The following EPHA3 variants were observed in gnomAD, a reference collection of about 807,000 sequenced individuals.
EPHA3 encodes ephrin type-A receptor 3.
EPHA3 carries 42 observed loss-of-function variants against 107.1 expected under a neutral mutation model. The observed-to-expected ratio is 0.39, with a 90% CI of 0.31 to 0.51. The LOEUF is 0.51. Ranked by LOEUF, EPHA3 falls within the 20% of genes least tolerant of loss-of-function variation. The pLI is 0.78. For missense variants in EPHA3, 1,183 were observed against 1,211.2 expected (o/e 0.98, Z 0.35); for synonymous variants, 461 against 424.8 (o/e 1.09, Z -1.05).
At chr3:89,457,454 C>T (rs376694881) in intron 15 of EPHA3, among the ~76,000 whole-genome samples, 3 of 152,082 alleles carry the variant, frequency 2.0e-5, no homozygotes, top group Admixed American at 6.5e-5. Context: ...TGTTGTGAAC[C>T]GCACACACGA....
intron 3 of EPHA3, among the ~76,000 whole-genome samples, chr3:89,232,744 G>A (rs965253122): frequency 7.9e-5 from 12 of 152,078 alleles, no homozygotes; most frequent in South Asian, 6.2e-4. Flanking sequence ...TATTCAAATA[G>A]CCAAGAAGAA....
intron 2 of EPHA3, among the ~76,000 whole-genome samples, chr3:89,175,110 C>T (rs9834433): frequency 0.17 from 25,248 of 149,996 alleles, 2,658 homozygotes; most frequent in Middle Eastern, 0.28. Context: ...AAACTTTCAC[C>T]TGAGGAAATA....
chr3:89,123,168 A>G (rs1259468906), intron 1 of EPHA3, among the ~76,000 whole-genome samples: 2 of 151,750 alleles, frequency 1.3e-5, no homozygotes, highest in Non-Finnish European at 2.9e-5. Flanking sequence ...TGTTTTTGAG[A>G]TAGTTTCGCT....
chr3:89,124,051 C>T (rs1704032220), intron 1 of EPHA3, among the ~76,000 whole-genome samples: 1 of 152,072 alleles, frequency 6.6e-6, no homozygotes, highest in Non-Finnish European at 1.5e-5. Flanking sequence ...ATTGCGAACT[C>T]GTATTGTCCA....
At chr3:89,374,441 C>G (rs1239492462) in intron 5 of EPHA3, among the ~76,000 whole-genome samples, 1 of 151,904 alleles carries the variant, frequency 6.6e-6, no homozygotes, top group East Asian at 1.9e-4. Flanking sequence ...CTCCACAGTC[C>G]TCCAACATTG....
At chr3:89,238,202 A>G (rs1369325837) in intron 3 of EPHA3, among the ~76,000 whole-genome samples, 1 of 152,192 alleles carries the variant, frequency 6.6e-6, no homozygotes, top group Non-Finnish European at 1.5e-5. Context: ...TAAGAAAAGT[A>G]TATTTTTAAG....
intron 2 of EPHA3, among the ~76,000 whole-genome samples, chr3:89,134,142 G>C (rs1576173214): frequency 6.6e-6 from 1 of 151,068 alleles, no homozygotes; most frequent in African/African-American, 2.4e-5. Flanking sequence ...TGAGTTCTTC[G>C]GCAACCTCTT....
At position 89,481,375 on chromosome 3, in the gene EPHA3, T is replaced by A. The variant is rs1413335081; in HGVS notation, c.*1873T>A. The stretch of plus-strand genomic sequence containing the variant: ...AAATTTTTAAAAATACACTTGTGAT[T>A]ATAAAATTAATCACAAATTTCACTT... On this transcript the variant is annotated 3_prime_UTR_variant, in exon 17 of 17. Coordinates refer to ENST00000336596, the MANE Select transcript of EPHA3 (RefSeq NM_005233.6). The A allele has an allele frequency of 8.6e-6, 2 of 232,182 alleles. No homozygotes were observed. The highest frequency in any genetic ancestry group is 1.7e-5 in the Non-Finnish European group (2 of 117,476). The allele number at this position is 232,182 out of a possible 1,614,324, so 14.4% of individuals were successfully genotyped here. A position where few individuals can be genotyped will look rare whatever the true frequency, so the allele number is the denominator to read the frequency against.
intron 1 of EPHA3, among the ~76,000 whole-genome samples, chr3:89,119,547 T>C (rs1707332070): frequency 6.6e-6 from 1 of 152,130 alleles, no homozygotes; most frequent in Non-Finnish European, 1.5e-5. Context: ...GAAGAGTTTG[T>C]TCGTGTGTGT....
intron 3 of EPHA3, among the ~76,000 whole-genome samples, chr3:89,319,232 G>T (rs1375621864): frequency 6.6e-6 from 1 of 151,918 alleles, no homozygotes; most frequent in Non-Finnish European, 1.5e-5. Context: ...GTAAGAGAGA[G>T]GAGGGAGAAG....
intron 5 of EPHA3, among the ~76,000 whole-genome samples, chr3:89,352,335 A>G (rs1553685155): frequency 6.6e-6 from 1 of 151,164 alleles, no homozygotes; most frequent in Non-Finnish European, 1.5e-5. Context: ...TTTTTAATTT[A>G]TTTTTTGGCA....
chr3:89,202,502 C>T (rs1207579449), intron 2 of EPHA3, among the ~76,000 whole-genome samples: 4 of 109,272 alleles, frequency 3.7e-5, no homozygotes, highest in African/African-American at 7.3e-5. Flanking sequence ...GATGACTGAG[C>T]GAGACTCTGT....
chr3:89,385,984 A>G (rs1310876745), intron 5 of EPHA3, among the ~76,000 whole-genome samples: 7 of 152,234 alleles, frequency 4.6e-5, no homozygotes, highest in African/African-American at 1.7e-4. Context: ...CTTGGCAAAG[A>G]GACTGGTGGC....
intron 3 of EPHA3, among the ~76,000 whole-genome samples, chr3:89,325,765 C>T (rs1317550338): frequency 6.6e-6 from 1 of 151,942 alleles, no homozygotes; most frequent in Non-Finnish European, 1.5e-5. Context: ...CTGTACATAC[C>T]ATAAATATTA....
rs532343440 is a variant in EPHA3 at position 89,260,767 on chromosome 3, A to C, written c.814+50247A>C. 2.6e-5 allele frequency among the ~76,000 whole-genome samples: 4 copies of C among 152,300 alleles called. No individual in the cohort carries two copies. The East Asian group carries it at 7.7e-4, about 29-fold the overall frequency. ...GCTTGCTCTATTGACAGAACATAAT[A>C]TTACTCCTTTCTTTGCCTTTTGTTT... On this transcript the variant is annotated intron_variant, in intron 3 of 16. Transcript: ENST00000336596.
intron 15 of EPHA3, among the ~76,000 whole-genome samples, chr3:89,460,823 C>CT (rs753656853): frequency 0.043 from 4,400 of 103,166 alleles, 225 homozygotes; most frequent in Non-Finnish European, 0.06. Flanking sequence ...CTCTGTCTCT[C>CT]TTTTTTTTTT....
intron 3 of EPHA3, among the ~76,000 whole-genome samples, chr3:89,258,240 G>T (rs1462789821): frequency 1.3e-5 from 2 of 152,190 alleles, no homozygotes; most frequent in Non-Finnish European, 2.9e-5. Context: ...GGCCATGGGG[G>T]AGACATGGAG....
chr3:89,233,897 T>C (rs903129015), intron 3 of EPHA3, among the ~76,000 whole-genome samples: 1 of 152,230 alleles, frequency 6.6e-6, no homozygotes, highest in Admixed American at 6.5e-5. Context: ...ACTAGTGTCA[T>C]AGTTAAGTGA....
intron 3 of EPHA3, among the ~76,000 whole-genome samples, chr3:89,280,277 G>A (rs1576285952): frequency 6.6e-6 from 1 of 152,104 alleles, no homozygotes; most frequent in East Asian, 1.9e-4. Context: ...CTTTTCAATA[G>A]GATTCAAGAA....
Sources: allele counts gnomAD v4.1 joint callset (sites outside exome capture counted in the v4.1 genomes callset), GRCh38; gene constraint gnomAD v4.1.1; transcripts MANE v1.5; gene names NCBI Gene and HGNC (gene_info 2026-07-23, HGNC 2026-07-21).